The following SNRPN variants were observed in gnomAD, a reference collection of about 807,000 sequenced individuals.
SNRPN encodes small nuclear ribonucleoprotein-associated protein N.
SNRPN carries 7 observed loss-of-function variants against 25.2 expected under a neutral mutation model. The observed-to-expected ratio is 0.28, with a 90% confidence interval of 0.16 to 0.52. The LOEUF is 0.52. Ranked by LOEUF, SNRPN falls within the 20% of genes least tolerant of loss-of-function variation. The probability of loss-of-function intolerance (pLI) is 0.96; values close to 1 mark genes in which losing one functional copy is unlikely to be tolerated. For missense variants in SNRPN, 196 were observed against 322.5 expected, an observed-to-expected ratio of 0.61 and a Z score of 3.00; for synonymous variants, 124 against 110.6, an observed-to-expected ratio of 1.12 and a Z score of -0.76.
At chr15:24,932,088 CAA>C (rs1168784512) in intron 3 of SNRPN, among the ~76,000 whole-genome samples, 1 of 151,928 alleles carries the variant, frequency 6.6e-6, no homozygotes, top group Non-Finnish European at 1.5e-5. Flanking sequence ...TTGGCTGGAA[CAA>C]AGAGTAAATT....
At chr15:24,850,428 A>C (rs1388313147) in intron 2 of SNRPN, 2 of 152,036 alleles carry the variant, frequency 1.3e-5, no homozygotes, top group Non-Finnish European at 2.9e-5. Flanking sequence ...CTCCTGCCTC[A>C]GCCTCCTGAG....
chr15:24,928,656 A>G (rs1324349882), intron 3 of SNRPN, among the ~76,000 whole-genome samples: 2 of 152,056 alleles, frequency 1.3e-5, no homozygotes, highest in East Asian at 1.9e-4. Context: ...TTTTTTTTGA[A>G]ACAGGGTCTT....
Position 24,921,642 on chromosome 15 carries a change from G to A in SNRPN, c.-391+1518G>A, listed in dbSNP as rs139914297. On this transcript the variant is annotated intron_variant, in intron 3 of 11. Coordinates refer to the SNRPN transcript ENST00000400097. Reference sequence around the variant, plus strand: ...TCAGCCCTTGGCCTGTTAACATGTCGTAACTGAGGCACAGGACTGGGTTCT... The same window carrying A: ...TCAGCCCTTGGCCTGTTAACATGTCATAACTGAGGCACAGGACTGGGTTCT... Among the ~76,000 whole-genome samples the A allele has an allele frequency of 3.6e-3, 543 of 152,230 alleles. 6 individuals are homozygous for A. The highest frequency in any genetic ancestry group is 0.012 in the African/African-American group (516 of 41,546).
intron 2 of SNRPN, among the ~76,000 whole-genome samples, chr15:24,899,605 A>C (rs962695941): frequency 6.6e-6 from 1 of 152,182 alleles, no homozygotes; most frequent in Non-Finnish European, 1.5e-5. Context: ...ACAACGCATG[A>C]CAGTCAGCAG....
intron 2 of SNRPN, among the ~76,000 whole-genome samples, chr15:24,832,780 T>C (rs1471157375): frequency 6.6e-6 from 1 of 151,878 alleles, no homozygotes; most frequent in Non-Finnish European, 1.5e-5. Flanking sequence ...ACAGACTTGC[T>C]GCAGCTGTAC....
chr15:24,945,989 A>C (rs190853316), intron 3 of SNRPN, among the ~76,000 whole-genome samples: 5 of 152,202 alleles, frequency 3.3e-5, no homozygotes, highest in African/African-American at 1.2e-4. Flanking sequence ...CCTGGGCTCC[A>C]GTGCTCAATG....
At chr15:24,955,245 G>C (rs929685726) in intron 1 of SNRPN, among the ~76,000 whole-genome samples, 183 bp downstream of exon 1, 1 of 152,140 alleles carries the variant, frequency 6.6e-6, no homozygotes, top group Non-Finnish European at 1.5e-5. Flanking sequence ...GTTCTGCCCC[G>C]ATGGTATCCT....
intron 1 of SNRPN, among the ~76,000 whole-genome samples, chr15:24,955,849 T>G (rs2062769318): frequency 6.6e-6 from 1 of 150,398 alleles, no homozygotes; most frequent in Admixed American, 6.6e-5. Flanking sequence ...GGGCATGGCA[T>G]GGAGGCGGTG....
chr15:24,978,052 C>T, intron 8 of SNRPN, 136 bp downstream of exon 8: 2 of 1,185,480 alleles, frequency 1.7e-6, no homozygotes, highest in South Asian at 1.5e-5. Context: ...TAATGAAAGA[C>T]ATAGAAGAGT....
At chr15:24,919,661 T>G (rs2059923734) in intron 2 of SNRPN, among the ~76,000 whole-genome samples, 2 of 152,114 alleles carry the variant, frequency 1.3e-5, no homozygotes, top group South Asian at 4.1e-4. Flanking sequence ...GGATTTTTGC[T>G]GAAGACAGGC....
At chr15:24,896,107 A>G (rs534153390) in intron 2 of SNRPN, among the ~76,000 whole-genome samples, 2 of 152,352 alleles carry the variant, frequency 1.3e-5, no homozygotes, top group African/African-American at 4.8e-5. Context: ...TATCCTTAGC[A>G]GAGCAAAATT....
chr15:24,924,140 A>G (rs57403633), intron 3 of SNRPN, among the ~76,000 whole-genome samples: 9,075 of 151,546 alleles, frequency 0.06, 448 homozygotes, highest in African/African-American at 0.13. Context: ...AGAAATTGAC[A>G]GTAGTCAGAT....
chr15:24,897,574 G>A (rs897206417), intron 2 of SNRPN, among the ~76,000 whole-genome samples: 1 of 152,174 alleles, frequency 6.6e-6, no homozygotes, highest in Admixed American at 6.5e-5. Context: ...GACAACGTGA[G>A]ACCTTGTGAT....
chr15:24,956,473 A>C (rs1019005055), intron 1 of SNRPN, among the ~76,000 whole-genome samples: 2 of 151,930 alleles, frequency 1.3e-5, no homozygotes, highest in African/African-American at 4.8e-5. Flanking sequence ...AGTGGTAAGG[A>C]GAGGAAGCCG....
intron 3 of SNRPN, among the ~76,000 whole-genome samples, chr15:24,922,385 A>G (rs1266994857): frequency 2.0e-5 from 3 of 152,120 alleles, no homozygotes; most frequent in East Asian, 1.9e-4. Flanking sequence ...ACCCAGAACT[A>G]TTTTTCTCAA....
At chr15:24,975,588 C>T (rs540108263) in intron 5 of SNRPN, 79 bp downstream of exon 5, 71 of 1,216,022 alleles carry the variant, frequency 5.8e-5, no homozygotes, top group Middle Eastern at 2.8e-4. Context: ...AAGGGATTTC[C>T]GAGGGTAACT....
chr15:24,955,100 G>A, intron 1 of SNRPN, 38 bp downstream of exon 1: 1 of 1,613,414 alleles, frequency 6.2e-7, no homozygotes, highest in South Asian at 1.1e-5. Context: ...GAGACAGCCT[G>A]GGGAGCGGCC....
At chr15:24,840,257 C>T (rs1036291320) in intron 2 of SNRPN, among the ~76,000 whole-genome samples, 2 of 152,128 alleles carry the variant, frequency 1.3e-5, no homozygotes, top group Non-Finnish European at 2.9e-5. Context: ...ATTCAGGAGG[C>T]TGAGACAGGA....
chr15:24,878,589 A>G (rs2149389382), intron 1 of SNRPN, among the ~76,000 whole-genome samples: 1 of 152,186 alleles, frequency 6.6e-6, no homozygotes, highest in East Asian at 1.9e-4. Context: ...GGCTTCGTAT[A>G]ATTGTTCTGG....
Sources: allele counts gnomAD v4.1 joint callset (sites outside exome capture counted in the v4.1 genomes callset), GRCh38; gene constraint gnomAD v4.1.1; transcripts MANE v1.5; gene names NCBI Gene and HGNC (gene_info 2026-07-23, HGNC 2026-07-21).